The following ADGRL3 variants were observed in gnomAD, a reference collection of about 807,000 sequenced individuals.
ADGRL3 encodes adhesion G protein-coupled receptor L3.
Under a neutral mutation model 153.5 loss-of-function variants are expected in ADGRL3, and 62 were observed. That is an observed-to-expected ratio of 0.40 (90% CI 0.33 to 0.50). The LOEUF is 0.50. ADGRL3 is among the 20% of genes least tolerant of loss of function. The pLI, the probability that ADGRL3 is intolerant of heterozygous loss-of-function variation, is 0.47. For missense variants in ADGRL3, 1,641 were observed against 1,859.4 expected (o/e 0.88, Z 2.16); for synonymous variants, 710 against 672.5 (o/e 1.06, Z -0.86).
At position 61,876,282 on chromosome 4, in the gene ADGRL3, A is replaced by AG. The variant is rs1561400917; in HGVS notation, c.1481-16374_1481-16373insG. Among the ~76,000 whole-genome samples, 277 of 57,750 alleles carry AG rather than the reference A, an allele frequency of 4.8e-3. 4 individuals carry two copies. The South Asian group carries it at 0.094, about 20-fold the overall frequency. The allele number at this position is 57,750 out of a possible 152,430, so 37.9% of individuals were successfully genotyped here. ...TATCATTCATAAGTCTATTTTATCCAATTTTGTTTTTTTTTTTAAGGGAAC... is the reference window on the plus strand; with the variant it reads ...TATCATTCATAAGTCTATTTTATCCAGATTTTGTTTTTTTTTTTAAGGGAAC... On this transcript the variant is annotated intron_variant, in intron 9 of 26. Transcript: ENST00000683033.
chr4:61,590,125 T>C (rs771527078), intron 5 of ADGRL3, among the ~76,000 whole-genome samples: 3 of 152,064 alleles, frequency 2.0e-5, no homozygotes, highest in Non-Finnish European at 2.9e-5. Context: ...TTTACTCAAT[T>C]ATTATCACCT....
At chr4:61,617,967 A>G (rs963671801) in intron 5 of ADGRL3, among the ~76,000 whole-genome samples, 7 of 152,208 alleles carry the variant, frequency 4.6e-5, no homozygotes, top group Non-Finnish European at 8.8e-5. Context: ...TGTTTGAAAT[A>G]TTTAATACTG....
At chr4:61,650,723 T>G (rs1238551568) in intron 5 of ADGRL3, among the ~76,000 whole-genome samples, 1 of 152,118 alleles carries the variant, frequency 6.6e-6, no homozygotes, top group Non-Finnish European at 1.5e-5. Flanking sequence ...ACAGAGGTCT[T>G]TATAAACGGA....
At chr4:61,874,789 C>CTT (rs11432355) in intron 9 of ADGRL3, among the ~76,000 whole-genome samples, 8,701 of 61,014 alleles carry the variant, frequency 0.14, 2,056 homozygotes, top group Admixed American at 0.18. Flanking sequence ...TCAAAATGCT[C>CTT]TTTTTTTTTT....
chr4:61,529,727 T>C (rs1382353612), intron 4 of ADGRL3, among the ~76,000 whole-genome samples: 13 of 152,160 alleles, frequency 8.5e-5, no homozygotes, highest in Admixed American at 8.5e-4. Flanking sequence ...AGACCAGTTT[T>C]TTTTTTCATT....
At chr4:61,827,780 T>TA (rs2097825339) in intron 9 of ADGRL3, among the ~76,000 whole-genome samples, 1 of 152,166 alleles carries the variant, frequency 6.6e-6, no homozygotes, top group Non-Finnish European at 1.5e-5. Context: ...TGGATTTTGG[T>TA]ACTGTTCTGG....
In ADGRL3 at chr4:62,071,521, A is replaced by G. The variant is rs1183771060; in HGVS notation, c.*613A>G. 5 of 181,152 alleles carry G rather than the reference A, an allele frequency of 2.8e-5. No homozygotes were observed. The highest frequency in any genetic ancestry group is 2.4e-4 in the Admixed American group (4 of 16,346). The allele number at this position is 181,152 out of a possible 1,614,324, so 11.2% of individuals were successfully genotyped here. ...TTATGATTTGCTGTATTAACTGATG[A>G]TAAAACTAATGGCAGAAAAAGAAGT... On this transcript the variant is annotated 3_prime_UTR_variant, in exon 27 of 27. Coordinates refer to ENST00000683033, the MANE Select transcript of ADGRL3 (RefSeq NM_001387552.1).
In ADGRL3 at chr4:62,070,664, C is replaced by T. The variant is rs1344663063; in HGVS notation, c.4388C>T (p.Ala1463Val). 1.3e-6 allele frequency: 2 copies of T among 1,551,508 alleles called. No homozygotes were observed. The highest frequency in any genetic ancestry group is 2.0e-5 in the Admixed American group (1 of 50,996). Reference protein sequence around the residue: ...YTSMPTLAGVAATESVTTSTQ... With the variant: ...YTSMPTLAGVVATESVTTSTQ... ...AGCATGCCGACACTGGCTGGTGTGG[C>T]CGCCACAGAGAGTGTTACCACCAGC... Residue 1463 changes from alanine (A) to valine (V), a missense_variant, in exon 27 of 27, where the codon GCC becomes GTC. This residue lies in a region of ADGRL3 where 517 missense variants were observed against 555.0 expected (regional missense o/e 0.93). Coordinates refer to ENST00000683033, the MANE Select transcript of ADGRL3 (RefSeq NM_001387552.1).
intron 13 of ADGRL3, among the ~76,000 whole-genome samples, chr4:61,914,871 A>G (rs139911896): frequency 2.0e-5 from 3 of 152,254 alleles, no homozygotes; most frequent in Non-Finnish European, 4.4e-5. Flanking sequence ...TGTTTTCTCA[A>G]ATGCCAATGT....
At chr4:61,628,353 A>G (rs568337340) in intron 5 of ADGRL3, among the ~76,000 whole-genome samples, 16 of 152,274 alleles carry the variant, frequency 1.1e-4, no homozygotes, top group African/African-American at 2.9e-4. Context: ...TGCTGGTCCT[A>G]TCTACTGCTG....
chr4:61,560,578 C>T (rs1046992394), intron 4 of ADGRL3, among the ~76,000 whole-genome samples: 4 of 152,054 alleles, frequency 2.6e-5, no homozygotes, highest in Admixed American at 6.6e-5. Context: ...ATTAAGTTAG[C>T]AGGGATGGAG....
intron 6 of ADGRL3, among the ~76,000 whole-genome samples, chr4:61,692,801 A>G (rs2095565056): frequency 6.6e-6 from 1 of 152,080 alleles, no homozygotes; most frequent in African/African-American, 2.4e-5. Context: ...CTATTCCCCA[A>G]TTCACTCTAT....
chr4:61,820,270 AATGTGTTCGTAC>A (rs1444866957), intron 9 of ADGRL3, among the ~76,000 whole-genome samples: 1 of 152,186 alleles, frequency 6.6e-6, no homozygotes, highest in Non-Finnish European at 1.5e-5. Context: ...CTTTAAATCT[AATGTGTTCGTAC>A]ATAGCATTTG....
At chr4:61,973,737 A>G (rs2099037673) in intron 17 of ADGRL3, among the ~76,000 whole-genome samples, 1 of 152,090 alleles carries the variant, frequency 6.6e-6, no homozygotes, top group Admixed American at 6.6e-5. Context: ...TTCAAAAATT[A>G]ACACTAGTCT....
At chr4:61,379,815 T>C (rs1379591730) in intron 1 of ADGRL3, among the ~76,000 whole-genome samples, 1 of 152,044 alleles carries the variant, frequency 6.6e-6, no homozygotes, top group Non-Finnish European at 1.5e-5. Flanking sequence ...TGTCATGAAA[T>C]TCTGAGATGA....
intron 24 of ADGRL3, among the ~76,000 whole-genome samples, chr4:62,041,233 C>T (rs1428735356): frequency 1.3e-5 from 2 of 152,038 alleles, no homozygotes; most frequent in Non-Finnish European, 2.9e-5. Context: ...TCACCTCTTG[C>T]TCCTCCAAAC....
chr4:61,995,620 C>T (rs537072499), intron 19 of ADGRL3, among the ~76,000 whole-genome samples: 11 of 152,210 alleles, frequency 7.2e-5, no homozygotes, highest in African/African-American at 2.2e-4. Context: ...TCCTGAAGAA[C>T]GAAAATGTAA....
At chr4:61,575,224 TTAA>T (rs1435486297) in intron 4 of ADGRL3, among the ~76,000 whole-genome samples, 3 of 152,034 alleles carry the variant, frequency 2.0e-5, no homozygotes, top group South Asian at 2.1e-4. Context: ...ATGTCTGTTT[TTAA>T]TAATATGTTT....
At chr4:61,545,070 C>G (rs1311030147) in intron 4 of ADGRL3, among the ~76,000 whole-genome samples, 1 of 152,176 alleles carries the variant, frequency 6.6e-6, no homozygotes, top group East Asian at 1.9e-4. Context: ...GATATCCAGT[C>G]AAAAATCTAG....
Sources: allele counts gnomAD v4.1 joint callset (sites outside exome capture counted in the v4.1 genomes callset), GRCh38; gene constraint gnomAD v4.1.1; regional missense constraint gnomAD v4.1.1; transcripts MANE v1.5; gene names NCBI Gene and HGNC (gene_info 2026-07-23, HGNC 2026-07-21).